ZBTB8A: variants seen among roughly 807,000 people sequenced by gnomAD.
The protein encoded by ZBTB8A is zinc finger and BTB domain containing 8A, also known as zinc finger and BTB domain-containing protein 8A.
Under a neutral mutation model 37.8 loss-of-function variants are expected in ZBTB8A, and 19 were observed. The observed-to-expected ratio is 0.50, with a 90% CI of 0.35 to 0.74. ZBTB8A has a LOEUF of 0.74. ZBTB8A is among the 30% of genes least tolerant of loss of function. The pLI is 0.01. For missense variants in ZBTB8A, 394 were observed against 537.8 expected, an observed-to-expected ratio of 0.73 and a Z score of 2.65; for synonymous variants, 181 against 185.2, an observed-to-expected ratio of 0.98 and a Z score of 0.19.
rs1167018264 is a variant in ZBTB8A at position 32,605,846 on chromosome 1, T to C, written c.*5427T>C. ...GAGGTGTGTTGTGTATCACTCTATT[T>C]TATAGATGATTTTATATAAGTAACA... On this transcript the variant is annotated 3_prime_UTR_variant, in exon 5 of 5. Coordinates refer to ENST00000373510, the MANE Select transcript of ZBTB8A (RefSeq NM_001040441.3). The C allele has an allele frequency of 2.0e-5, 3 of 152,108 alleles. No individual in the cohort carries two copies. Among genetic ancestry groups the C allele is most frequent in the African/African-American group, 7.2e-5 (3 of 41,416 alleles). 9.4% of individuals were successfully genotyped at this position (152,108 alleles called of 1,614,324 possible).
At chr1:32,563,117 A>T (rs760859591) in intron 2 of ZBTB8A, among the ~76,000 whole-genome samples, 1 of 152,166 alleles carries the variant, frequency 6.6e-6, no homozygotes. Context: ...TCTGTTTCTT[A>T]TAAGATTAGT....
chr1:32,584,319 G>T (rs1485448817), intron 2 of ZBTB8A, among the ~76,000 whole-genome samples: 1 of 152,032 alleles, frequency 6.6e-6, no homozygotes, highest in Non-Finnish European at 1.5e-5. Flanking sequence ...TACCTAGTTT[G>T]TGGTACTTTG....
At chr1:32,579,141 C>T (rs1284682459) in intron 2 of ZBTB8A, among the ~76,000 whole-genome samples, 1 of 152,000 alleles carries the variant, frequency 6.6e-6, no homozygotes, top group African/African-American at 2.4e-5. Context: ...AGAATGTTTA[C>T]TCTGGCTGGT....
chr1:32,600,039 T>C, intron 4 of ZBTB8A, 48 bp from the exon 5 acceptor site: 2 of 1,498,790 alleles, frequency 1.3e-6, no homozygotes, highest in South Asian at 1.2e-5. Flanking sequence ...TATCAAACTG[T>C]CCTGCTTTTG....
At chr1:32,578,877 C>G (rs1412232808) in intron 2 of ZBTB8A, among the ~76,000 whole-genome samples, 1 of 151,964 alleles carries the variant, frequency 6.6e-6, no homozygotes, top group African/African-American at 2.4e-5. Context: ...TTGTGCCCAG[C>G]ACTAATCTTT....
chr1:32,539,832 G>C (rs924030336), intron 1 of ZBTB8A, among the ~76,000 whole-genome samples: 43 of 16,310 alleles, frequency 2.6e-3, no homozygotes, highest in Admixed American at 0.018. Flanking sequence ...GCGGGAAGGC[G>C]CGCGGAGCCT....
At chr1:32,558,467 A>ACCC (rs936932498) in intron 2 of ZBTB8A, among the ~76,000 whole-genome samples, 48 of 152,104 alleles carry the variant, frequency 3.2e-4, no homozygotes, top group African/African-American at 1.1e-3. Context: ...ACACACACAC[A>ACCC]CACACACAAA....
At chr1:32,567,308 C>G (rs1488969325) in intron 2 of ZBTB8A, among the ~76,000 whole-genome samples, 2 of 152,238 alleles carry the variant, frequency 1.3e-5, no homozygotes, top group Non-Finnish European at 2.9e-5. Flanking sequence ...ATGATCCAGT[C>G]ACATTCCACC....
intron 2 of ZBTB8A, among the ~76,000 whole-genome samples, chr1:32,589,112 G>T (rs895451423): frequency 6.6e-6 from 1 of 152,126 alleles, no homozygotes; most frequent in African/African-American, 2.4e-5. Flanking sequence ...AATGAATTTT[G>T]TGTAAAGGGA....
intron 1 of ZBTB8A, among the ~76,000 whole-genome samples, chr1:32,544,235 G>T (rs922534128): frequency 4.6e-5 from 7 of 152,194 alleles, no homozygotes; most frequent in African/African-American, 1.7e-4. Flanking sequence ...GGTGATTTTT[G>T]TTGTTGTGTG....
At chr1:32,548,009 T>G (rs1252547172) in intron 1 of ZBTB8A, among the ~76,000 whole-genome samples, 4 of 150,894 alleles carry the variant, frequency 2.7e-5, no homozygotes, top group Non-Finnish European at 4.4e-5. Context: ...GGCCGGCACC[T>G]GTAATCCCAG....
intron 2 of ZBTB8A, among the ~76,000 whole-genome samples, chr1:32,588,716 G>A (rs1644466474): frequency 6.6e-6 from 1 of 152,060 alleles, no homozygotes; most frequent in Admixed American, 6.6e-5. Context: ...AGGCCCGATG[G>A]CTCACACCTA....
At chr1:32,553,169 C>T (rs1644171049) in intron 1 of ZBTB8A, among the ~76,000 whole-genome samples, 1 of 151,802 alleles carries the variant, frequency 6.6e-6, no homozygotes, top group Non-Finnish European at 1.5e-5. Flanking sequence ...AAGCAATTCT[C>T]CCTCCTCAGC....
At chr1:32,544,320 TGG>T (rs1048385062) in intron 1 of ZBTB8A, among the ~76,000 whole-genome samples, 2 of 152,246 alleles carry the variant, frequency 1.3e-5, no homozygotes, top group Non-Finnish European at 2.9e-5. Context: ...GTATAGCCTA[TGG>T]CTCCTAGGCT....
intron 2 of ZBTB8A, among the ~76,000 whole-genome samples, chr1:32,573,632 C>G (rs1393343371): frequency 6.8e-6 from 1 of 147,708 alleles, no homozygotes; most frequent in Non-Finnish European, 1.5e-5. Flanking sequence ...CAGGGTTTCA[C>G]TATGTTGCCC....
At chr1:32,558,881 G>A (rs1347352027) in intron 2 of ZBTB8A, among the ~76,000 whole-genome samples, 3 of 152,182 alleles carry the variant, frequency 2.0e-5, no homozygotes, top group African/African-American at 7.2e-5. Context: ...CAGCTACAAT[G>A]TCCCAGGCGC....
intron 2 of ZBTB8A, among the ~76,000 whole-genome samples, chr1:32,577,443 C>A (rs369711315): frequency 4.6e-4 from 70 of 151,846 alleles, no homozygotes; most frequent in African/African-American, 1.4e-3. Context: ...AGCCACTGAG[C>A]CCTGCCGTCA....
intron 2 of ZBTB8A, among the ~76,000 whole-genome samples, chr1:32,572,008 A>G (rs1378873983): frequency 1.3e-5 from 2 of 151,818 alleles, no homozygotes; most frequent in African/African-American, 2.4e-5. Flanking sequence ...GGTTCAAGTG[A>G]TTCTCCTGTC....
intron 2 of ZBTB8A, among the ~76,000 whole-genome samples, chr1:32,582,562 C>T (rs1476644028): frequency 4.0e-5 from 6 of 151,884 alleles, no homozygotes; most frequent in South Asian, 2.1e-4. Context: ...ACAGGAGAAT[C>T]GCTTGAACCC....
Sources: allele counts gnomAD v4.1 joint callset (sites outside exome capture counted in the v4.1 genomes callset), GRCh38; gene constraint gnomAD v4.1.1; transcripts MANE v1.5; gene names NCBI Gene and HGNC (gene_info 2026-07-23, HGNC 2026-07-21).